Variants in CHMP7 observed in about 807,000 individuals in gnomAD.
The protein encoded by CHMP7 is charged multivesicular body protein 7.
In CHMP7, 15 loss-of-function variants were observed where a neutral mutation model predicts 53.7. The ratio of observed to expected loss-of-function variants is 0.28; its 90% CI spans 0.19 to 0.43. The LOEUF is 0.43. CHMP7 is among the 20% of genes least tolerant of loss of function. The probability of loss-of-function intolerance (pLI) is 1.00; values close to 1 mark genes in which losing one functional copy is unlikely to be tolerated. For synonymous variants in CHMP7, 261 were observed against 228.0 expected (o/e 1.14, Z -1.30); for missense variants, 527 against 569.4 (o/e 0.93, Z 0.76).
Position 23,246,943 on chromosome 8 carries a change from G to C in CHMP7, c.248G>C (p.Arg83Pro), listed in dbSNP as rs1355440054. The C allele has an allele frequency of 6.4e-7, 1 of 1,554,442 alleles. No individual in the cohort carries two copies. Among genetic ancestry groups the C allele is most frequent in the Admixed American group, 1.9e-5 (1 of 51,540 alleles). Residue 83 changes from arginine (R) to proline (P), a missense_variant, in exon 2 of 11, where the codon CGC becomes CCC. Arg to Pro is a moderately radical substitution (Grantham distance 103). Coordinates refer to ENST00000397677, the MANE Select transcript of CHMP7 (RefSeq NM_152272.5). ...CGGGACTTGCAGGAGGCCTTTCAGC[G>C]CAAGGGGAGCGTCCCGCTGGGGCTG... ...RLRDLQEAFQ[R>P]KGSVPLGLAT...
At position 23,260,320 on chromosome 8, in the gene CHMP7, G is replaced by A; in HGVS notation, c.1297G>A (p.Gly433Arg). The A allele has an allele frequency of 6.2e-7, 1 of 1,614,166 alleles. No individual in the cohort carries two copies. The highest frequency in any genetic ancestry group is 8.5e-7 in the Non-Finnish European group (1 of 1,180,012). Residue 433 changes from glycine (G) to arginine (R), a missense_variant, in exon 10 of 11, where the codon GGA becomes AGA. Transcript: ENST00000397677. ...ACTTGAGAAACTGTCCTTATCAGAG[G>A]GAGGTATGGAGCTGTTTTCCAAGGC... ...AELEKLSLSE[G>R]GLVPSSKSPK...
intron 9 of CHMP7, 120 bp downstream of exon 9, chr8:23,259,246 G>T: frequency 1.9e-6 from 1 of 514,266 alleles, no homozygotes; most frequent in Non-Finnish European, 3.3e-6. Flanking sequence ...TCGGCTCACT[G>T]CAAGCTCCGC....
chr8:23,260,725 C>G lies in CHMP7; in HGVS notation c.*126C>G. The G allele has an allele frequency of 1.3e-6, 1 of 755,686 alleles. No individual in the cohort carries two copies. Among genetic ancestry groups the G allele is most frequent in the South Asian group, 1.5e-5 (1 of 66,148 alleles). 46.8% of individuals were successfully genotyped at this position (755,686 alleles called of 1,614,324 possible). On this transcript the variant is annotated 3_prime_UTR_variant, in exon 11 of 11. Coordinates refer to ENST00000397677, the MANE Select transcript of CHMP7 (RefSeq NM_152272.5). ...GAGAAAGGAGAACCACTGATTTTATCTGGATGCTACTACTTACTACAGGAC... is the reference window on the plus strand; with the variant it reads ...GAGAAAGGAGAACCACTGATTTTATGTGGATGCTACTACTTACTACAGGAC...
At chr8:23,245,799 G>C (rs934179973) in intron 1 of CHMP7, among the ~76,000 whole-genome samples, 1 of 152,204 alleles carries the variant, frequency 6.6e-6, no homozygotes, top group Admixed American at 6.5e-5. Flanking sequence ...CAATTAATTA[G>C]ATATAAACAT....
At position 23,249,066 on chromosome 8, in the gene CHMP7, G is replaced by A. The variant is rs895193906; in HGVS notation, c.300-144G>A. The A allele has an allele frequency of 3.3e-5, 18 of 545,970 alleles. No individual in the cohort carries two copies. In the South Asian group the frequency reaches 3.6e-4, roughly 11 times the overall value. 33.8% of individuals were successfully genotyped at this position (545,970 alleles called of 1,614,324 possible). A position where few individuals can be genotyped will look rare whatever the true frequency, so the allele number is the denominator to read the frequency against. On this transcript the variant is annotated intron_variant, in intron 2 of 10. Transcript: ENST00000397677. ...AGAGCTGGAGTATAAACAATGCTGC[G>A]TGTCGTTGGCACAGCGTAGGTGCTT...
chr8:23,257,581 T>G (rs1449736078), intron 5 of CHMP7, among the ~76,000 whole-genome samples: 1 of 152,236 alleles, frequency 6.6e-6, no homozygotes, highest in Non-Finnish European at 1.5e-5. Flanking sequence ...GCTCTTCCCC[T>G]GCCCTTCCCC....
intron 2 of CHMP7, among the ~76,000 whole-genome samples, chr8:23,247,828 A>G (rs1272657286): frequency 6.6e-6 from 1 of 151,914 alleles, no homozygotes; most frequent in Non-Finnish European, 1.5e-5. Context: ...TTTGCACTTC[A>G]GTGTACTTAT....
chr8:23,257,307 G>C (rs1264909586), intron 5 of CHMP7, among the ~76,000 whole-genome samples: 1 of 151,360 alleles, frequency 6.6e-6, no homozygotes, highest in African/African-American at 2.4e-5. Context: ...TGTTGCCCAG[G>C]CTGGTCTCAC....
chr8:23,246,514 G>A lies in CHMP7; in HGVS notation c.-182G>A, dbSNP rs1178724219. The A allele has an allele frequency of 3.3e-6, 2 of 607,756 alleles. No individual in the cohort carries two copies. The highest frequency in any genetic ancestry group is 2.9e-6 in the Non-Finnish European group (1 of 346,232). 37.6% of individuals were successfully genotyped at this position (607,756 alleles called of 1,614,324 possible). A position where few individuals can be genotyped will look rare whatever the true frequency, so the allele number is the denominator to read the frequency against. ...AAGAACTTCATCATACTGCCTCCTG[G>A]CTGACGGAGCGCAGCGCAACGCATG... On this transcript the variant is annotated 5_prime_UTR_variant, in exon 2 of 11. Coordinates refer to ENST00000397677, the MANE Select transcript of CHMP7 (RefSeq NM_152272.5).
At position 23,260,210 on chromosome 8, in the gene CHMP7, T is replaced by G. The variant is rs1802329646; in HGVS notation, c.1187T>G (p.Leu396Trp). The G allele has an allele frequency of 6.2e-7, 1 of 1,614,194 alleles. No homozygotes were observed. Among genetic ancestry groups the G allele is most frequent in the Non-Finnish European group, 8.5e-7 (1 of 1,180,012 alleles). Residue 396 changes from leucine (L) to tryptophan (W), a missense_variant, in exon 10 of 11, where the codon TTG becomes TGG. Physicochemically the swap from Leu to Trp is moderately conservative, Grantham distance 61. Coordinates refer to ENST00000397677, the MANE Select transcript of CHMP7 (RefSeq NM_152272.5). ...ILLQDTTKEPLDLPDNPRNRH... is the reference protein window; with the variant it reads ...ILLQDTTKEPWDLPDNPRNRH... ...CTTCAGGATACCACCAAAGAACCTT[T>G]GGATCTGCCTGACAACCCCCGCAAT...
Position 23,258,014 on chromosome 8 carries a change from T to G in CHMP7, c.792-19T>G. On this transcript the variant is annotated intron_variant, in intron 5 of 10. Transcript: ENST00000397677. ...CCCATCCTGTGGCACAGTAATCTTA[T>G]CTGTCCCTTTGTTTCCAGGTGTAAA... The G allele has an allele frequency of 6.3e-7, 1 of 1,592,074 alleles. No individual in the cohort carries two copies. Among genetic ancestry groups the G allele is most frequent in the Non-Finnish European group, 8.6e-7 (1 of 1,161,080 alleles).
rs756995965 is a variant in CHMP7, at chr8:23,260,317, G to A, written c.1294G>A (p.Glu432Lys). Reference protein sequence around the residue: ...EAELEKLSLSEGGLVPSSKSP... With the variant: ...EAELEKLSLSKGGLVPSSKSP... Reference sequence around the variant, plus strand: ...TGAACTTGAGAAACTGTCCTTATCAGAGGGAGGTATGGAGCTGTTTTCCAA... The same window carrying A: ...TGAACTTGAGAAACTGTCCTTATCAAAGGGAGGTATGGAGCTGTTTTCCAA... The change falls in exon 10 of 11, where the codon GAG becomes AAG. Residue 432 changes from glutamate to lysine, a missense_variant. Transcript: ENST00000397677. The A allele has an allele frequency of 2.5e-6, 4 of 1,614,182 alleles. No homozygotes were observed. The highest frequency in any genetic ancestry group is 3.4e-6 in the Non-Finnish European group (4 of 1,180,026).
chr8:23,255,629 A>C (rs1044309910), intron 4 of CHMP7, among the ~76,000 whole-genome samples, 197 bp downstream of exon 4: 6 of 152,164 alleles, frequency 3.9e-5, no homozygotes, highest in Non-Finnish European at 8.8e-5. Flanking sequence ...GAGTAGTGTG[A>C]TGGGACCTCG....
At chr8:23,249,905 C>G (rs1801851760) in intron 3 of CHMP7, among the ~76,000 whole-genome samples, 1 of 152,218 alleles carries the variant, frequency 6.6e-6, no homozygotes. Context: ...CCCGGCCTGC[C>G]TTTCCCACAG....
At chr8:23,255,453 A>G (rs1030359663) in intron 4 of CHMP7, 21 bp downstream of exon 4, 2 of 1,610,212 alleles carry the variant, frequency 1.2e-6, no homozygotes, top group Non-Finnish European at 8.5e-7. Flanking sequence ...TCATCTGTTC[A>G]TTCACTGACT....
chr8:23,255,109 G>GGCTTAAAAACACAGAT (rs1374590723), intron 3 of CHMP7, 138 bp from the exon 4 acceptor site: 5 of 805,838 alleles, frequency 6.2e-6, no homozygotes, highest in African/African-American at 1.7e-5. Flanking sequence ...TTTTTGAAAA[G>GGCTTAAAAACACAGAT]CCGCTACTTT....
intron 2 of CHMP7, among the ~76,000 whole-genome samples, chr8:23,248,567 C>G (rs1217771369): frequency 6.6e-6 from 1 of 152,194 alleles, no homozygotes; most frequent in Non-Finnish European, 1.5e-5. Flanking sequence ...CTTTAGCAAT[C>G]AGTTTGACGA....
At position 23,258,344 on chromosome 8, in the gene CHMP7, C is replaced by T; in HGVS notation, c.855C>T (p.Leu285=). The part of the protein sequence containing the change: ...AGKKQLALRS[L]KAKQRTEKRI... ...CATGCCTCCAGGCACTGAGGTCTCT[C>T]AAGGCCAAGCAACGGACAGAGAAGC... Residue 285 remains leucine (L), a synonymous_variant, in exon 7 of 11, where the codon CTC becomes CTT. Transcript: ENST00000397677. 1 of 1,614,200 alleles carries T rather than the reference C, an allele frequency of 6.2e-7. No individual in the cohort carries two copies. The highest frequency in any genetic ancestry group is 8.5e-7 in the Non-Finnish European group (1 of 1,180,044).
At chr8:23,258,904 C>G (rs1408198863) in intron 8 of CHMP7, 74 bp downstream of exon 8, 7 of 1,164,896 alleles carry the variant, frequency 6.0e-6, no homozygotes, top group South Asian at 1.2e-5. Context: ...ATTGCACATC[C>G]TCTTTAACGA....
Sources: allele counts gnomAD v4.1 joint callset (sites outside exome capture counted in the v4.1 genomes callset), GRCh38; gene constraint gnomAD v4.1.1; transcripts MANE v1.5; gene names NCBI Gene and HGNC (gene_info 2026-07-23, HGNC 2026-07-21).